BLK: variants seen among roughly 807,000 people sequenced by gnomAD.
BLK encodes the protein tyrosine-protein kinase Blk.
In BLK, 64 loss-of-function variants were observed where a neutral mutation model predicts 61.8. The observed-to-expected ratio is 1.03, with a 90% confidence interval of 0.85 to 1.27. BLK has a LOEUF of 1.27. Ranked by LOEUF, BLK falls within the 50% of genes most tolerant of loss-of-function variation. BLK has a pLI of 0.00. For missense variants in BLK, 853 were observed against 660.5 expected, an observed-to-expected ratio of 1.29 and a Z score of -3.19; for synonymous variants, 351 against 272.0, an observed-to-expected ratio of 1.29 and a Z score of -2.86.
intron 1 of BLK, among the ~76,000 whole-genome samples, chr8:11,539,631 A>T (rs1488216667): frequency 6.6e-6 from 1 of 152,234 alleles, no homozygotes; most frequent in African/African-American, 2.4e-5. Flanking sequence ...AGAATTTAAA[A>T]GATTGCTTCT....
chr8:11,500,534 G>GTTT (rs1798517132), intron 1 of BLK, among the ~76,000 whole-genome samples: 1 of 151,394 alleles, frequency 6.6e-6, no homozygotes, highest in African/African-American at 2.4e-5. Context: ...TTGTTTGTTT[G>GTTT]AGATAGGGTC....
At chr8:11,522,691 A>G (rs1799503430) in intron 1 of BLK, among the ~76,000 whole-genome samples, 1 of 152,004 alleles carries the variant, frequency 6.6e-6, no homozygotes, top group Admixed American at 6.6e-5. Context: ...AAAAAAAAGC[A>G]CTGGGAATCT....
At chr8:11,545,417 C>G (rs1436046181) in intron 2 of BLK, among the ~76,000 whole-genome samples, 5 of 152,076 alleles carry the variant, frequency 3.3e-5, no homozygotes, top group Admixed American at 1.3e-4. Flanking sequence ...GGCGTGATGG[C>G]GGGCACCTGT....
chr8:11,496,072 G>C (rs1043964285), intron 1 of BLK, among the ~76,000 whole-genome samples: 2 of 152,138 alleles, frequency 1.3e-5, no homozygotes, highest in Non-Finnish European at 2.9e-5. Flanking sequence ...TGAACATTCT[G>C]GAATATAGCA....
rs376028525 is a variant in BLK, at chr8:11,506,678, G to A, written c.-2+12087G>A. Reference sequence around the variant, plus strand: ...GTTCTGGGAGCCTCATGAGTCTCAGGAATTCTGGGGTGGCCTATTTGGTCT... The same window carrying A: ...GTTCTGGGAGCCTCATGAGTCTCAGAAATTCTGGGGTGGCCTATTTGGTCT... On this transcript the variant is annotated intron_variant, in intron 1 of 12. Coordinates refer to ENST00000259089, the MANE Select transcript of BLK (RefSeq NM_001715.3). Among the ~76,000 whole-genome samples the A allele has an allele frequency of 4.6e-5, 7 of 152,270 alleles. No individual in the cohort carries two copies. In the East Asian group the frequency reaches 9.7e-4, roughly 21 times the overall value.
chr8:11,501,393 C>A (rs2117243879), intron 1 of BLK, among the ~76,000 whole-genome samples: 1 of 149,396 alleles, frequency 6.7e-6, no homozygotes, highest in Admixed American at 6.7e-5. Context: ...GGAAAGGAAT[C>A]ATTTCTACTT....
intron 2 of BLK, 45 bp from the exon 3 acceptor site, chr8:11,546,007 C>T (rs754908449): frequency 1.6e-5 from 26 of 1,602,102 alleles, no homozygotes; most frequent in African/African-American, 2.7e-5. Context: ...GCCCCACCCA[C>T]GCAGCAGGGA....
intron 10 of BLK, chr8:11,558,510 G>A (rs1036272909): frequency 7.4e-5 from 28 of 379,096 alleles, no homozygotes; most frequent in Admixed American, 6.9e-4. Context: ...CAGGCTGATG[G>A]GCAGGCCTGA....
Position 11,556,714 on chromosome 8 carries a change from T to C in BLK, c.829T>C (p.Ser277Pro). ...AIKTLKEGTMSPEAFLGEANV... is the reference protein window; with the variant it reads ...AIKTLKEGTMPPEAFLGEANV... ...TAAGACGCTGAAGGAGGGAACCATG[T>C]CTCCAGAAGCCTTTCTGGGTGAGGC... Residue 277 changes from serine (S) to proline (P), a missense_variant, in exon 9 of 13, where the codon TCT becomes CCT. By Grantham distance (74) the Ser-to-Pro change is moderately conservative (BLOSUM62 -1). Transcript: ENST00000259089. The C allele has an allele frequency of 6.2e-7, 1 of 1,614,148 alleles. No individual in the cohort carries two copies. The highest frequency in any genetic ancestry group is 8.5e-7 in the Non-Finnish European group (1 of 1,180,040).
intron 1 of BLK, among the ~76,000 whole-genome samples, chr8:11,533,316 C>A (rs1373012249): frequency 1.3e-5 from 2 of 152,268 alleles, no homozygotes; most frequent in East Asian, 3.9e-4. Context: ...TCTAAATGTT[C>A]TCCTGCACCC....
intron 7 of BLK, 44 bp downstream of exon 7, chr8:11,554,933 C>G (rs138716203): frequency 3.1e-6 from 5 of 1,602,322 alleles, no homozygotes; most frequent in Non-Finnish European, 3.4e-6. Context: ...GTGCCAAGAG[C>G]CCCTGGATCT....
At chr8:11,547,710 C>T (rs572795984) in intron 3 of BLK, among the ~76,000 whole-genome samples, 5 of 152,326 alleles carry the variant, frequency 3.3e-5, no homozygotes, top group South Asian at 2.1e-4. Context: ...GCACTATGTC[C>T]GAATGTGGGC....
intron 1 of BLK, among the ~76,000 whole-genome samples, chr8:11,497,547 A>G (rs1018619215): frequency 5.3e-5 from 8 of 152,196 alleles, no homozygotes; most frequent in African/African-American, 1.9e-4. Context: ...GAGGACAAGG[A>G]CATGCCCTAC....
chr8:11,498,345 A>G (rs573576653), intron 1 of BLK, among the ~76,000 whole-genome samples: 3 of 152,288 alleles, frequency 2.0e-5, no homozygotes, highest in Admixed American at 1.3e-4. Context: ...GAGTCTGTGG[A>G]TTCCTGATGA....
chr8:11,514,934 C>G (rs35822699), intron 1 of BLK, among the ~76,000 whole-genome samples: 34,401 of 152,072 alleles, frequency 0.23, 4,869 homozygotes, highest in Middle Eastern at 0.33. Flanking sequence ...CTGACCTCAG[C>G]CCCCTCCCCT....
intron 1 of BLK, among the ~76,000 whole-genome samples, chr8:11,502,943 C>T (rs186326478): frequency 6.6e-6 from 1 of 152,214 alleles, no homozygotes; most frequent in Non-Finnish European, 1.5e-5. Context: ...CAGCTGCTGC[C>T]AGCCACTGTG....
chr8:11,501,872 T>C (rs7017022), intron 1 of BLK, among the ~76,000 whole-genome samples: 12,903 of 152,300 alleles, frequency 0.085, 694 homozygotes, highest in African/African-American at 0.14. Context: ...AACTGGGTAG[T>C]AGTTTTTCAA....
intron 1 of BLK, among the ~76,000 whole-genome samples, chr8:11,524,702 T>A (rs1449702612): frequency 1.3e-5 from 2 of 152,132 alleles, no homozygotes; most frequent in South Asian, 2.1e-4. Context: ...TGCAGCATGT[T>A]TATGATCTTG....
At chr8:11,535,572 C>G (rs1800102197) in intron 1 of BLK, among the ~76,000 whole-genome samples, 1 of 152,176 alleles carries the variant, frequency 6.6e-6, no homozygotes, top group Non-Finnish European at 1.5e-5. Context: ...CTTTCAACTC[C>G]CAACTAACAA....
Sources: allele counts gnomAD v4.1 joint callset (sites outside exome capture counted in the v4.1 genomes callset), GRCh38; gene constraint gnomAD v4.1.1; transcripts MANE v1.5; gene names NCBI Gene and HGNC (gene_info 2026-07-23, HGNC 2026-07-21).